Variants in CAPN15 observed in about 807,000 individuals in gnomAD.
The protein encoded by CAPN15 is calpain-15.
Under a neutral mutation model 97.9 loss-of-function variants are expected in CAPN15, and 53 were observed. The ratio of observed to expected loss-of-function variants is 0.54; its 90% confidence interval spans 0.43 to 0.68. The LOEUF (loss-of-function observed/expected upper bound fraction) is 0.68, where lower values mean the gene tolerates loss of function less well. Among genes scored for constraint, CAPN15 ranks in the 30% least tolerant of loss-of-function variants. The pLI is 0.00. For synonymous variants in CAPN15, 922 were observed against 722.5 expected (o/e 1.28, Z -4.43); for missense variants, 1,592 against 1,589.8 (o/e 1.00, Z -0.02).
chr16:533,116 G>A (rs2033392802), intron 1 of CAPN15, among the ~76,000 whole-genome samples: 1 of 152,148 alleles, frequency 6.6e-6, no homozygotes, highest in Non-Finnish European at 1.5e-5. Flanking sequence ...AGCTACTTGG[G>A]AGGCTGAGGC....
rs1423886291 is a variant in CAPN15, at chr16:552,445, C to T, written c.2652C>T (p.Val884=). 2 of 1,610,276 alleles carry T rather than the reference C, an allele frequency of 1.2e-6. No homozygotes were observed. Among genetic ancestry groups the T allele is most frequent in the East Asian group, 2.2e-5 (1 of 44,870 alleles). The change falls in exon 11 of 14, where the codon GTC becomes GTT. Residue 884 remains valine, a synonymous_variant. Transcript: ENST00000219611. The surrounding 1 kb of genome is among the most constrained non-coding windows in gnomAD (Gnocchi z 6.4). ...RAVKKFVSCD[V]MLEPGEYAVV... ...TCAAGAAGTTCGTCAGCTGCGACGTCATGCTGGAGCCTGGCGAGTACGCTG... is the reference window on the plus strand; with the variant it reads ...TCAAGAAGTTCGTCAGCTGCGACGTTATGCTGGAGCCTGGCGAGTACGCTG...
intron 3 of CAPN15, chr16:540,054 CTCTG>C (rs1275918494): frequency 1.7e-5 from 17 of 982,586 alleles, no homozygotes; most frequent in Non-Finnish European, 2.1e-5. Flanking sequence ...TATTTTCTCT[CTCTG>C]TCTGTTTATT....
intron 3 of CAPN15, chr16:538,611 GA>G (rs1342059511): frequency 6.6e-6 from 1 of 152,066 alleles, no homozygotes; most frequent in Admixed American, 6.6e-5. Flanking sequence ...GGCCTCAAAG[GA>G]GAGGGGATCC....
chr16:536,577 C>T (rs1184326664), intron 3 of CAPN15, among the ~76,000 whole-genome samples: 1 of 152,158 alleles, frequency 6.6e-6, no homozygotes, highest in Non-Finnish European at 1.5e-5. Context: ...CGCCCGCCAC[C>T]ACGCCCAGCT....
intron 3 of CAPN15, among the ~76,000 whole-genome samples, chr16:541,258 C>T (rs1462081397): frequency 2.6e-5 from 4 of 152,360 alleles, no homozygotes; most frequent in East Asian, 1.9e-4. Context: ...GCCTGAGCTC[C>T]GGCCGACAAG....
chr16:545,359 G>A (rs1324166212), intron 3 of CAPN15, among the ~76,000 whole-genome samples: 2 of 147,972 alleles, frequency 1.4e-5, no homozygotes, highest in Non-Finnish European at 3.0e-5. Context: ...CTGACCCCTG[G>A]CCCCCTTCCA....
chr16:535,023 C>G lies in CAPN15; in HGVS notation c.-136-1006C>G, dbSNP rs140777826. ...TTAGCGAGACAGTGAGGAGTGTATG[C>G]GGAGTGGACACAGCTGTGGGTGCCG... On this transcript the variant is annotated intron_variant, in intron 2 of 13. Transcript: ENST00000219611. This position sits in a 1 kb window ranked among gnomAD's most constrained non-coding sequence, Gnocchi z 6.2. Among the ~76,000 whole-genome samples the G allele has an allele frequency of 2.0e-5, 3 of 152,212 alleles. No individual in the cohort carries two copies. The highest frequency in any genetic ancestry group is 4.4e-5 in the Non-Finnish European group (3 of 67,994).
At position 554,155 on chromosome 16, in the gene CAPN15, T is replaced by G. The variant is rs2035292260; in HGVS notation, c.*639T>G. ...AGGCGGGCGCCAGGCCCGCTGTGGG[T>G]GGGCACCAGTTCTCAGCACCGCTCA... On this transcript the variant is annotated 3_prime_UTR_variant, in exon 14 of 14. Transcript: ENST00000219611. 1 of 216,844 alleles carries G rather than the reference T, an allele frequency of 4.6e-6. No homozygotes were observed. Among genetic ancestry groups the G allele is most frequent in the Non-Finnish European group, 9.3e-6 (1 of 107,456 alleles). 13.4% of individuals were successfully genotyped at this position (216,844 alleles called of 1,614,324 possible).
In CAPN15 at chr16:552,010, GC is replaced by G. The variant is rs765282006; in HGVS notation, c.2346-39del. The G allele has an allele frequency of 7.8e-6, 12 of 1,534,754 alleles. No homozygotes were observed. Among genetic ancestry groups the G allele is most frequent in the Middle Eastern group, 2.2e-4 (1 of 4,500 alleles). Reference sequence around the variant, plus strand: ...TAGGCGCTGAGCCACGGAGGTGTGGGCCGTGGTAGGCTCAGGGCCCCGTCCT... The same window carrying G: ...TAGGCGCTGAGCCACGGAGGTGTGGGCGTGGTAGGCTCAGGGCCCCGTCCT... On this transcript the variant is annotated intron_variant, in intron 9 of 13. Transcript: ENST00000219611. This position sits in a 1 kb window ranked among gnomAD's most constrained non-coding sequence, Gnocchi z 6.4.
chr16:549,235 T>TGGGC (rs747167058), intron 5 of CAPN15, 34 bp downstream of exon 5: 25 of 53,258 alleles, frequency 4.7e-4, no homozygotes, highest in South Asian at 3.9e-3. Context: ...GTGGGGCGGG[T>TGGGC]GGGCGGGCGA....
Position 535,573 on chromosome 16 carries a change from G to T in CAPN15, c.-136-456G>T, listed in dbSNP as rs2033644202. ...TTTAAAACTAGGGCATCGGCTCCCA[G>T]GGAGGGCGGGGAGCTGCACAGTTGG... On this transcript the variant is annotated intron_variant, in intron 2 of 13. Transcript: ENST00000219611. This position sits in a 1 kb window ranked among gnomAD's most constrained non-coding sequence, Gnocchi z 6.2. Among the ~76,000 whole-genome samples the T allele has an allele frequency of 6.6e-6, 1 of 152,180 alleles. No individual in the cohort carries two copies. Among genetic ancestry groups the T allele is most frequent in the Non-Finnish European group, 1.5e-5 (1 of 68,016 alleles).
In CAPN15 at chr16:551,618, G is replaced by GGCA; in HGVS notation, c.2304_2306dup (p.Ser769dup). On this transcript the variant is annotated inframe_insertion, in exon 9 of 14. Transcript: ENST00000219611. Reference sequence around the variant, plus strand: ...CCTGCGTGGCGAGCTCATGCCGCACGGCAGCAGTGAGGGTGTCTTCTGGAT... The same window carrying GGCA: ...CCTGCGTGGCGAGCTCATGCCGCACGGCAGCAGCAGTGAGGGTGTCTTCTGGAT... The GGCA allele has an allele frequency of 6.2e-7, 1 of 1,606,394 alleles. No homozygotes were observed. The highest frequency in any genetic ancestry group is 8.5e-7 in the Non-Finnish European group (1 of 1,178,446).
chr16:549,874 G>A, intron 7 of CAPN15, 36 bp downstream of exon 7: 1 of 1,489,684 alleles, frequency 6.7e-7, no homozygotes, highest in Admixed American at 1.9e-5. Flanking sequence ...AGCCGCGTTG[G>A]GAGGAGAGGC....
At chr16:544,157 G>A (rs1256901989) in intron 3 of CAPN15, among the ~76,000 whole-genome samples, 1 of 152,194 alleles carries the variant, frequency 6.6e-6, no homozygotes, top group Non-Finnish European at 1.5e-5. Flanking sequence ...CAGACCAGGA[G>A]ACTGCAGCCC....
At chr16:546,670 C>T (rs1224038989) in intron 3 of CAPN15, 147 bp from the exon 4 acceptor site, 51 of 1,095,842 alleles carry the variant, frequency 4.7e-5, no homozygotes, top group Admixed American at 6.1e-5. Flanking sequence ...CAGCCCCCAC[C>T]GCCGCCTGCC....
rs576352032 is a variant in CAPN15 at position 554,276 on chromosome 16, G to A, written c.*760G>A. On this transcript the variant is annotated 3_prime_UTR_variant, in exon 14 of 14. Transcript: ENST00000219611. ...AGGGACCCCAGCACATCGTGGGCAC[G>A]GGCAGGGCTCAGCCGCTCCCACCTC... 2.6e-4 allele frequency: 89 copies of A among 341,406 alleles called. 2 individuals carry two copies. The highest frequency in any genetic ancestry group is 1.2e-3 in the South Asian group (51 of 43,490). 21.1% of individuals were successfully genotyped at this position (341,406 alleles called of 1,614,324 possible).
In CAPN15 at chr16:535,660, G is replaced by A. The variant is rs1277037401; in HGVS notation, c.-136-369G>A. The stretch of plus-strand genomic sequence containing the variant: ...GGCCCTCCGCACCCTGCCCCTCCAG[G>A]GAGCCCAGAGGCGGGCGTGGCTGCA... On this transcript the variant is annotated intron_variant, in intron 2 of 13. Transcript: ENST00000219611. This position sits in a 1 kb window ranked among gnomAD's most constrained non-coding sequence, Gnocchi z 6.2. Among the ~76,000 whole-genome samples the A allele has an allele frequency of 3.9e-5, 6 of 152,158 alleles. No individual in the cohort carries two copies. The highest frequency in any genetic ancestry group is 1.4e-4 in the African/African-American group (6 of 41,440).
intron 2 of CAPN15, 148 bp downstream of exon 2, chr16:534,146 C>A: frequency 1.2e-5 from 1 of 81,228 alleles, no homozygotes; most frequent in Non-Finnish European, 1.5e-5. Context: ...GCAGCCCTGC[C>A]TGCCCTGAAG....
chr16:547,925 T>C lies in CAPN15; in HGVS notation c.1087T>C (p.Cys363Arg), dbSNP rs144052786. The change falls in exon 4 of 14, where the codon TGC becomes CGC. Residue 363 changes from cysteine (C) to arginine (R), a missense_variant. This residue lies in a region of CAPN15 where 883 missense variants were observed against 776.6 expected (regional missense o/e 1.14). Transcript: ENST00000219611. ...CACAGTGGCCCCCAGGTGCTCGGCC[T>C]GCGGCTGCTCCAAACTGCACGGCTT... is the stretch of plus-strand genomic sequence containing the variant. Reference protein sequence around the residue: ...NPTVAPRCSACGCSKLHGFQE... With the variant: ...NPTVAPRCSARGCSKLHGFQE... 1.4e-3 allele frequency: 2,191 copies of C among 1,605,566 alleles called. 5 individuals are homozygous for C. The highest frequency in any genetic ancestry group is 1.7e-3 in the Non-Finnish European group (1,968 of 1,176,778).
Sources: gnomAD v4.1 joint callset for allele counts (sites outside exome capture counted in the v4.1 genomes callset) on GRCh38, gnomAD v4.1.1 for gene constraint, gnomAD v4.1.1 regional missense constraint, Gnocchi (gnomAD v3.1) non-coding constraint, MANE v1.5 for transcripts, NCBI Gene and HGNC (gene_info 2026-07-23, HGNC 2026-07-21) for gene names.